AP2B1: variants seen among roughly 807,000 people sequenced by gnomAD.
The protein encoded by AP2B1 is adaptor related protein complex 2 subunit beta 1.
A neutral mutation model predicts 102.0 loss-of-function variants in AP2B1; 23 were observed. That is an observed-to-expected ratio of 0.23 (90% confidence interval 0.16 to 0.32). The LOEUF is 0.32. Ranked by LOEUF, AP2B1 falls within the 10% of genes least tolerant of loss-of-function variation. The probability of loss-of-function intolerance (pLI) is 1.00; values close to 1 mark genes in which losing one functional copy is unlikely to be tolerated. For missense variants in AP2B1, 541 were observed against 1,157.4 expected (o/e 0.47, Z 7.73); for synonymous variants, 381 against 421.2 (o/e 0.90, Z 1.17).
chr17:35,714,998 CT>C (rs1555589215), intron 20 of AP2B1, among the ~76,000 whole-genome samples: 1 of 152,164 alleles, frequency 6.6e-6, no homozygotes, highest in African/African-American at 2.4e-5. Context: ...ACCAGGAAGC[CT>C]CCTTATATCT....
In AP2B1 at chr17:35,670,895, G is replaced by A. The variant is rs747477267; in HGVS notation, c.2028G>A (p.Pro676=). 20 of 1,613,770 alleles carry A rather than the reference G, an allele frequency of 1.2e-5. 1 individual carries two copies. The highest frequency in any genetic ancestry group is 3.3e-4 in the Middle Eastern group (2 of 6,072). ...SDLGGGIGGS[P]AVGQSFIPSS... is the part of the protein sequence containing the mutation. Reference sequence around the variant, plus strand: ...TTGGCGGGGGCATTGGAGGAAGTCCGGCAGTAAGTGCCATCTGTTTTTTTC... The same window carrying A: ...TTGGCGGGGGCATTGGAGGAAGTCCAGCAGTAAGTGCCATCTGTTTTTTTC... The change falls in exon 15 of 22, where the codon CCG becomes CCA. Residue 676 remains proline (P), a synonymous_variant. Transcript: ENST00000610402.
intron 19 of AP2B1, among the ~76,000 whole-genome samples, chr17:35,709,839 T>C (rs587668502): frequency 6.6e-6 from 1 of 152,356 alleles, no homozygotes; most frequent in East Asian, 1.9e-4. Flanking sequence ...AATCACAATC[T>C]AATAAAACTG....
chr17:35,711,610 AG>A (rs1160272634), intron 20 of AP2B1, among the ~76,000 whole-genome samples: 9 of 152,034 alleles, frequency 5.9e-5, no homozygotes, highest in African/African-American at 1.9e-4. Flanking sequence ...CTGGGACTAC[AG>A]GCGCCAGCCA....
At chr17:35,721,055 G>A (rs936577714) in intron 21 of AP2B1, among the ~76,000 whole-genome samples, 1 of 152,108 alleles carries the variant, frequency 6.6e-6, no homozygotes, top group East Asian at 1.9e-4. Flanking sequence ...TATTAAGAAA[G>A]AAATCGGGTT....
intron 18 of AP2B1, among the ~76,000 whole-genome samples, chr17:35,689,973 A>C (rs2076008936): frequency 6.6e-6 from 1 of 152,138 alleles, no homozygotes; most frequent in Non-Finnish European, 1.5e-5. Flanking sequence ...TTGGATCTGC[A>C]AGTTGATAGT....
rs2143017510 is a variant in AP2B1 at position 35,725,896 on chromosome 17, G to C, written c.*2197G>C. 1 of 152,256 alleles carries C rather than the reference G, an allele frequency of 6.6e-6. No individual in the cohort carries two copies. The highest frequency in any genetic ancestry group is 2.4e-5 in the African/African-American group (1 of 41,524). The allele number at this position is 152,256 out of a possible 1,614,324, so 9.4% of individuals were successfully genotyped here. ...TGATGGATAACAGCTCCTATTCTCA[G>C]CTGACCTGACTGAGCCAACCCATGA... On this transcript the variant is annotated 3_prime_UTR_variant, in exon 22 of 22. Coordinates refer to ENST00000610402, the MANE Select transcript of AP2B1 (RefSeq NM_001030006.2).
chr17:35,723,507 C>A, intron 21 of AP2B1, 118 bp from the exon 22 acceptor site: 1 of 671,254 alleles, frequency 1.5e-6, no homozygotes, highest in Non-Finnish European at 2.8e-6. Flanking sequence ...TTAGCTACTC[C>A]AGTGATAGAA....
intron 3 of AP2B1, 122 bp from the exon 4 acceptor site, chr17:35,605,583 C>A: frequency 1.4e-6 from 1 of 740,426 alleles, no homozygotes; most frequent in Non-Finnish European, 2.3e-6. Context: ...GTGACAGTTA[C>A]CACTGTGGGG....
chr17:35,702,763 C>G (rs2076261758), intron 18 of AP2B1, among the ~76,000 whole-genome samples: 1 of 152,044 alleles, frequency 6.6e-6, no homozygotes, highest in Non-Finnish European at 1.5e-5. Context: ...GGAAAGACAG[C>G]AGGAGGTTGT....
chr17:35,692,808 G>A (rs1156622656), intron 18 of AP2B1, among the ~76,000 whole-genome samples: 1 of 152,138 alleles, frequency 6.6e-6, no homozygotes, highest in Non-Finnish European at 1.5e-5. Context: ...CTCATAGTTG[G>A]AAGGGATGGT....
Position 35,717,325 on chromosome 17 carries a change from C to T in AP2B1, c.2757C>T (p.Ile919=). 1.9e-6 allele frequency: 3 copies of T among 1,614,138 alleles called. No individual in the cohort carries two copies. The highest frequency in any genetic ancestry group is 1.1e-5 in the South Asian group (1 of 91,086). ...TTTGGATTTTGGCCGAACTACGTAT[C>T]CAGCCAGGAAACCCCAATTACACGG... is the stretch of plus-strand genomic sequence containing the variant. ...NGIWILAELR[I]QPGNPNYTLS... The change falls in exon 21 of 22, where the codon ATC becomes ATT. Residue 919 remains isoleucine (I), a synonymous_variant. Transcript: ENST00000610402.
intron 12 of AP2B1, among the ~76,000 whole-genome samples, chr17:35,644,135 G>A (rs546804147): frequency 3.0e-4 from 45 of 152,306 alleles, no homozygotes; most frequent in African/African-American, 1.0e-3. Flanking sequence ...GAAACTCAGA[G>A]AGGCCTAATT....
intron 1 of AP2B1, chr17:35,587,902 C>G (rs1173400834): frequency 6.6e-6 from 1 of 152,120 alleles, no homozygotes; most frequent in Non-Finnish European, 1.5e-5. Flanking sequence ...GGGTAAGAGA[C>G]AACCTCTTCC....
At chr17:35,661,546 T>C (rs567684502) in intron 14 of AP2B1, among the ~76,000 whole-genome samples, 2 of 152,336 alleles carry the variant, frequency 1.3e-5, no homozygotes, top group South Asian at 2.1e-4. Flanking sequence ...TTTTCTGTTA[T>C]GATATTCTGT....
intron 11 of AP2B1, 70 bp from the exon 12 acceptor site, chr17:35,641,807 C>T: frequency 2.5e-6 from 3 of 1,216,798 alleles, no homozygotes; most frequent in Non-Finnish European, 3.5e-6. Context: ...GGAAACACCA[C>T]TTTGGAGATG....
intron 1 of AP2B1, among the ~76,000 whole-genome samples, chr17:35,590,011 T>C (rs2073040892): frequency 6.7e-6 from 1 of 149,924 alleles, no homozygotes; most frequent in South Asian, 2.1e-4. Flanking sequence ...CTGCAAGCTC[T>C]GCCTCCTGGG....
intron 5 of AP2B1, among the ~76,000 whole-genome samples, chr17:35,608,678 G>A (rs966437401): frequency 6.6e-6 from 1 of 152,082 alleles, no homozygotes; most frequent in Admixed American, 6.6e-5. Context: ...AGGTTTGGCC[G>A]TAAATTTATA....
intron 12 of AP2B1, among the ~76,000 whole-genome samples, chr17:35,649,240 T>C (rs1019998758): frequency 3.9e-5 from 6 of 152,158 alleles, no homozygotes; most frequent in African/African-American, 1.4e-4. Flanking sequence ...ATGTTATTAA[T>C]AAGCCTGCTA....
intron 12 of AP2B1, among the ~76,000 whole-genome samples, chr17:35,648,408 T>C (rs1490622262): frequency 1.3e-5 from 2 of 151,938 alleles, no homozygotes; most frequent in Admixed American, 6.6e-5. Flanking sequence ...CCCAGCTACT[T>C]GGGAGACAGA....
Sources: allele counts gnomAD v4.1 joint callset (sites outside exome capture counted in the v4.1 genomes callset), GRCh38; gene constraint gnomAD v4.1.1; transcripts MANE v1.5; gene names NCBI Gene and HGNC (gene_info 2026-07-23, HGNC 2026-07-21).